TMEM108: variants seen among roughly 807,000 people sequenced by gnomAD.
TMEM108 encodes the protein cancer/testis antigen 124.
TMEM108 carries 12 observed loss-of-function variants against 35.1 expected under a neutral mutation model. The ratio of observed to expected loss-of-function variants is 0.34; its 90% CI spans 0.22 to 0.55. The LOEUF (loss-of-function observed/expected upper bound fraction) is 0.55. Among genes scored for constraint, TMEM108 ranks in the 20% least tolerant of loss-of-function variants. TMEM108 has a pLI of 0.89. For synonymous variants in TMEM108, 287 were observed against 308.6 expected (o/e 0.93, Z 0.73); for missense variants, 680 against 753.3 (o/e 0.90, Z 1.14).
chr3:133,090,975 T>C (rs1472056969), intron 2 of TMEM108, among the ~76,000 whole-genome samples: 1 of 152,176 alleles, frequency 6.6e-6, no homozygotes, highest in African/African-American at 2.4e-5. Context: ...TAGATTAATA[T>C]TTGTGAATTT....
intron 3 of TMEM108, among the ~76,000 whole-genome samples, chr3:133,375,375 C>A (rs1576522463): frequency 6.6e-6 from 1 of 152,220 alleles, no homozygotes; most frequent in Non-Finnish European, 1.5e-5. Context: ...CATATTCAGA[C>A]ACGTTTTAAA....
chr3:133,279,175 G>A (rs563281042), intron 3 of TMEM108, among the ~76,000 whole-genome samples: 16 of 152,304 alleles, frequency 1.1e-4, no homozygotes, highest in African/African-American at 3.8e-4. Context: ...CTTGCACTTA[G>A]ACACAACTTC....
intron 2 of TMEM108, among the ~76,000 whole-genome samples, chr3:133,083,602 TG>T (rs1349740093): frequency 6.6e-6 from 1 of 152,246 alleles, no homozygotes; most frequent in Non-Finnish European, 1.5e-5. Context: ...ATTCATTTTG[TG>T]GTGTCACATT....
At chr3:133,391,340 A>G (rs1197294) in intron 5 of TMEM108, among the ~76,000 whole-genome samples, 150,817 of 152,314 alleles carry the variant, frequency 0.99, 74,686 homozygotes, top group Non-Finnish European at 1. Flanking sequence ...GATAACAGAC[A>G]TCTGAGTAAG....
At chr3:133,203,556 G>A (rs1297375065) in intron 2 of TMEM108, among the ~76,000 whole-genome samples, 1 of 152,170 alleles carries the variant, frequency 6.6e-6, no homozygotes, top group Non-Finnish European at 1.5e-5. Context: ...AGATAATCAT[G>A]TGGTTTTTGT....
intron 2 of TMEM108, among the ~76,000 whole-genome samples, chr3:133,183,133 T>G (rs1348208410): frequency 6.6e-6 from 1 of 152,150 alleles, no homozygotes; most frequent in African/African-American, 2.4e-5. Flanking sequence ...ACGTTGACAT[T>G]CAAAAAATTG....
chr3:133,361,857 A>ATAG (rs1389781602), intron 3 of TMEM108, among the ~76,000 whole-genome samples: 1 of 152,204 alleles, frequency 6.6e-6, no homozygotes, highest in African/African-American at 2.4e-5. Context: ...ACTTCTCAGT[A>ATAG]AATAGCAACA....
chr3:133,319,232 G>A (rs1018243672), intron 3 of TMEM108, among the ~76,000 whole-genome samples: 6 of 152,188 alleles, frequency 3.9e-5, no homozygotes, highest in African/African-American at 9.6e-5. Context: ...CACTGCCCCC[G>A]CCTGATGATT....
At chr3:133,262,004 A>G (rs1946632137) in intron 3 of TMEM108, among the ~76,000 whole-genome samples, 1 of 152,246 alleles carries the variant, frequency 6.6e-6, no homozygotes, top group Non-Finnish European at 1.5e-5. Context: ...GAGGGCAAGT[A>G]TCATTAACAT....
At chr3:133,238,617 C>T (rs1045938801) in intron 3 of TMEM108, among the ~76,000 whole-genome samples, 1 of 152,120 alleles carries the variant, frequency 6.6e-6, no homozygotes, top group African/African-American at 2.4e-5. Context: ...CCTAGGTGGG[C>T]CTCATGGAAC....
chr3:133,078,159 GCACGCGCGCGCGCGCACAC>G (rs745692851), intron 2 of TMEM108, among the ~76,000 whole-genome samples: 36,904 of 140,666 alleles, frequency 0.26, 4,795 homozygotes, highest in Admixed American at 0.31. Flanking sequence ...GTGTGTGTGT[GCACGCGCGCGCGCGCACAC>G]GTGTGTGTGT....
rs533151420 is a variant in TMEM108, at chr3:133,361,136, A to G, written c.41-18616A>G. 4.6e-5 allele frequency among the ~76,000 whole-genome samples: 7 copies of G among 152,284 alleles called. No individual in the cohort carries two copies. In the South Asian group the frequency reaches 1.0e-3, roughly 23 times the overall value. ...CTATGACACATTTTTAAACCTTGCA[A>G]TCATTTCTGCTTATAGCTGTCTATC... On this transcript the variant is annotated intron_variant, in intron 3 of 5. Coordinates refer to ENST00000321871, the MANE Select transcript of TMEM108 (RefSeq NM_023943.4).
At chr3:133,065,012 C>T (rs1576299644) in intron 2 of TMEM108, among the ~76,000 whole-genome samples, 1 of 152,156 alleles carries the variant, frequency 6.6e-6, no homozygotes, top group Non-Finnish European at 1.5e-5. Flanking sequence ...AAATCAGACC[C>T]CTTCCAGCCT....
chr3:133,073,281 G>A (rs750554617), intron 2 of TMEM108, among the ~76,000 whole-genome samples: 27 of 151,136 alleles, frequency 1.8e-4, no homozygotes, highest in Non-Finnish European at 2.4e-4. Flanking sequence ...CCAGTTCCCC[G>A]TTTTCCCAAG....
At chr3:133,179,100 A>C (rs1945287734) in intron 2 of TMEM108, among the ~76,000 whole-genome samples, 1 of 151,924 alleles carries the variant, frequency 6.6e-6, no homozygotes, top group Non-Finnish European at 1.5e-5. Flanking sequence ...TCAAAACCAC[A>C]ATGAGATACC....
rs75932004 is a variant in TMEM108, at chr3:133,232,031, C to T, written c.40+2680C>T. On this transcript the variant is annotated intron_variant, in intron 3 of 5. Coordinates refer to ENST00000321871, the MANE Select transcript of TMEM108 (RefSeq NM_023943.4). ...TTCTGCCATGGTGCCCTACCACACA[C>T]AGGAAAAATCAGCAGTGTGGTCCCT... 5.9e-3 allele frequency among the ~76,000 whole-genome samples: 893 copies of T among 152,232 alleles called. 11 individuals are homozygous for T. Among genetic ancestry groups the T allele is most frequent in the African/African-American group, 0.02 (841 of 41,520 alleles).
chr3:133,104,180 C>T (rs1009410505), intron 2 of TMEM108, among the ~76,000 whole-genome samples: 1 of 152,080 alleles, frequency 6.6e-6, no homozygotes, highest in African/African-American at 2.4e-5. Flanking sequence ...ATTTCTCTAC[C>T]TATAAAATGG....
At chr3:133,314,264 G>A (rs919804334) in intron 3 of TMEM108, among the ~76,000 whole-genome samples, 3 of 152,184 alleles carry the variant, frequency 2.0e-5, no homozygotes, top group Non-Finnish European at 2.9e-5. Context: ...AAAGGATGAT[G>A]ACAACTCTAA....
intron 2 of TMEM108, among the ~76,000 whole-genome samples, chr3:133,106,992 T>G (rs1028889688): frequency 6.6e-6 from 1 of 152,204 alleles, no homozygotes; most frequent in African/African-American, 2.4e-5. Context: ...AGCATGGGGT[T>G]TAAAAGAGTA....
Sources: allele counts gnomAD v4.1 joint callset (sites outside exome capture counted in the v4.1 genomes callset), GRCh38; gene constraint gnomAD v4.1.1; transcripts MANE v1.5; gene names NCBI Gene and HGNC (gene_info 2026-07-23, HGNC 2026-07-21).